The following KCNN2 variants were observed in gnomAD, a reference collection of about 807,000 sequenced individuals.
The protein encoded by KCNN2 is potassium calcium-activated channel subfamily N member 2, also known as small conductance calcium-activated potassium channel protein 2.
A neutral mutation model predicts 55.5 loss-of-function variants in KCNN2; 24 were observed. That is an observed-to-expected ratio of 0.43 (90% CI 0.31 to 0.61). The LOEUF is 0.61. KCNN2 is among the 20% of genes least tolerant of loss of function. KCNN2 has a pLI of 0.08. For missense variants in KCNN2, 754 were observed against 853.6 expected, an observed-to-expected ratio of 0.88 and a Z score of 1.45; for synonymous variants, 431 against 336.1, an observed-to-expected ratio of 1.28 and a Z score of -3.09.
intron 2 of KCNN2, among the ~76,000 whole-genome samples, chr5:114,226,649 T>A (rs907881120): frequency 6.6e-6 from 1 of 152,174 alleles, no homozygotes; most frequent in Admixed American, 6.5e-5. Context: ...ATGCCTGTAA[T>A]CCCAGCAATT....
At chr5:114,234,455 G>A (rs531308056) in intron 2 of KCNN2, among the ~76,000 whole-genome samples, 12 of 152,270 alleles carry the variant, frequency 7.9e-5, no homozygotes, top group South Asian at 2.1e-4. Flanking sequence ...CTTTGCTCAT[G>A]TGCCATTTTT....
Position 114,251,930 on chromosome 5 carries a change from G to C in KCNN2, c.-185+30365G>C, listed in dbSNP as rs545752322. On this transcript the variant is annotated intron_variant, in intron 2 of 10. Transcript: ENST00000512097. ...ATCTCGCTCTGTCGCCCAGGCTGAA[G>C]TGTAGTGGTGTGATCTTGGCTCACT... is the stretch of plus-strand genomic sequence containing the variant. Among the ~76,000 whole-genome samples the C allele has an allele frequency of 2.2e-3, 320 of 146,400 alleles. 1 individual carries two copies. Among genetic ancestry groups the C allele is most frequent in the African/African-American group, 7.4e-3 (294 of 39,770 alleles).
intron 3 of KCNN2, among the ~76,000 whole-genome samples, chr5:114,449,506 C>T (rs1213700937): frequency 2.0e-5 from 3 of 152,140 alleles, no homozygotes; most frequent in East Asian, 1.9e-4. Context: ...TTGTTATCTC[C>T]GTGCTCACAG....
intron 3 of KCNN2, among the ~76,000 whole-genome samples, chr5:114,408,141 A>G (rs188397818): frequency 1.3e-5 from 2 of 151,044 alleles, no homozygotes; most frequent in Non-Finnish European, 1.5e-5. Context: ...CACTGTTGCC[A>G]CAGAATTCTG....
chr5:114,427,072 C>T (rs1038831219), intron 3 of KCNN2, among the ~76,000 whole-genome samples: 1 of 152,136 alleles, frequency 6.6e-6, no homozygotes, highest in Admixed American at 6.5e-5. Context: ...CAGCCACCCA[C>T]CTGCACCTGG....
chr5:114,095,589 A>G lies in KCNN2; in HGVS notation c.-271+39089A>G, dbSNP rs181862841. On this transcript the variant is annotated intron_variant, in intron 1 of 10. Coordinates refer to the KCNN2 transcript ENST00000512097. ...TCACAGAGCAAATGGCAGAACCAAG[A>G]TTCAATTCTGATTGTTCCAGGGAGC... Among the ~76,000 whole-genome samples, 10 of 152,320 alleles carry G rather than the reference A, an allele frequency of 6.6e-5. No homozygotes were observed. In the East Asian group the frequency reaches 1.4e-3, roughly 21 times the overall value.
chr5:114,134,700 C>T (rs961303475), intron 1 of KCNN2, among the ~76,000 whole-genome samples: 1 of 152,046 alleles, frequency 6.6e-6, no homozygotes, highest in African/African-American at 2.4e-5. Flanking sequence ...TGGTCTTCAA[C>T]TCCTGACCTC....
At chr5:114,133,652 G>T (rs1233523536) in intron 1 of KCNN2, among the ~76,000 whole-genome samples, 1 of 152,132 alleles carries the variant, frequency 6.6e-6, no homozygotes, top group Admixed American at 6.5e-5. Context: ...CTGTCACTTT[G>T]TGATCTGTAA....
intron 2 of KCNN2, among the ~76,000 whole-genome samples, chr5:114,401,640 C>T (rs1003381892): frequency 3.3e-5 from 5 of 152,100 alleles, no homozygotes; most frequent in African/African-American, 1.2e-4. Context: ...GAGGGAGTTT[C>T]CAGATTTTTA....
intron 1 of KCNN2, among the ~76,000 whole-genome samples, chr5:114,190,877 C>T (rs770668211): frequency 2.1e-4 from 32 of 152,114 alleles, no homozygotes; most frequent in Middle Eastern, 6.8e-3. Flanking sequence ...GATTGGGGAA[C>T]GGTTATAGGT....
upstream of KCNN2, chr5:114,360,936 G>C (rs1362034362): frequency 6.5e-6 from 1 of 152,990 alleles, no homozygotes; most frequent in Non-Finnish European, 1.5e-5. Context: ...CTTTGTGTCT[G>C]CGCTGCAGGT....
chr5:114,168,146 T>A (rs1752956701), intron 1 of KCNN2, among the ~76,000 whole-genome samples: 1 of 138,052 alleles, frequency 7.2e-6, no homozygotes, highest in South Asian at 2.4e-4. Context: ...TGTATATAGA[T>A]ATATAATCAT....
intron 3 of KCNN2, among the ~76,000 whole-genome samples, chr5:114,416,267 C>T (rs1214247321): frequency 1.3e-5 from 2 of 152,124 alleles, no homozygotes; most frequent in African/African-American, 4.8e-5. Flanking sequence ...TTTGTTTTCT[C>T]TCCTAGTTGA....
intron 2 of KCNN2, among the ~76,000 whole-genome samples, chr5:114,346,363 G>A (rs1245438850): frequency 6.6e-6 from 1 of 152,108 alleles, no homozygotes; most frequent in African/African-American, 2.4e-5. Context: ...TGTACTATAA[G>A]GTTAAGGACA....
At chr5:114,475,935 A>G (rs1761944701) in intron 5 of KCNN2, among the ~76,000 whole-genome samples, 1 of 152,070 alleles carries the variant, frequency 6.6e-6, no homozygotes, top group Non-Finnish European at 1.5e-5. Context: ...TTGTCAACTT[A>G]TTGCCTGTTG....
chr5:114,420,598 T>C (rs1289000448), intron 3 of KCNN2, among the ~76,000 whole-genome samples: 1 of 152,212 alleles, frequency 6.6e-6, no homozygotes, highest in East Asian at 1.9e-4. Context: ...ATACTACCTT[T>C]TCCATAAACA....
intron 1 of KCNN2, among the ~76,000 whole-genome samples, chr5:114,142,303 T>C (rs540942608): frequency 9.8e-5 from 15 of 152,296 alleles, no homozygotes; most frequent in Admixed American, 5.2e-4. Flanking sequence ...TGAATTAATT[T>C]TTGTATAAGG....
intron 1 of KCNN2, among the ~76,000 whole-genome samples, chr5:114,090,876 TCTCA>T (rs147079143): frequency 8.2e-4 from 125 of 151,982 alleles, no homozygotes; most frequent in African/African-American, 3.0e-3. Context: ...CGAGACAGGG[TCTCA>T]CTCTGTTGCC....
At chr5:114,330,240 A>G (rs915700192) in intron 2 of KCNN2, among the ~76,000 whole-genome samples, 3 of 152,170 alleles carry the variant, frequency 2.0e-5, no homozygotes, top group African/African-American at 4.8e-5. Flanking sequence ...TGTCAAGCTT[A>G]CTGAGCTTAG....
Sources: allele counts gnomAD v4.1 joint callset (sites outside exome capture counted in the v4.1 genomes callset), GRCh38; gene constraint gnomAD v4.1.1; transcripts MANE v1.5; gene names NCBI Gene and HGNC (gene_info 2026-07-23, HGNC 2026-07-21).